Variants in PCDH15 observed in about 807,000 individuals in gnomAD.
PCDH15 encodes protocadherin-15.
Under a neutral mutation model 178.5 loss-of-function variants are expected in PCDH15, and 129 were observed. The ratio of observed to expected loss-of-function variants is 0.72; its 90% confidence interval spans 0.63 to 0.84. The LOEUF (loss-of-function observed/expected upper bound fraction) is 0.84, where lower values mean the gene tolerates loss of function less well. Among genes scored for constraint, PCDH15 ranks in the 40% least tolerant of loss-of-function variants. The pLI is 0.00. For synonymous variants in PCDH15, 800 were observed against 732.0 expected, an observed-to-expected ratio of 1.09 and a Z score of -1.50; for missense variants, 2,230 against 2,099.9, an observed-to-expected ratio of 1.06 and a Z score of -1.21.
intron 2 of PCDH15, among the ~76,000 whole-genome samples, chr10:54,532,752 T>C (rs1310757623): frequency 2.0e-5 from 3 of 148,238 alleles, no homozygotes; most frequent in African/African-American, 7.5e-5. Flanking sequence ...TGTCATTTCA[T>C]TATAACAATG....
chr10:54,130,795 G>C (rs1404911008), intron 15 of PCDH15, among the ~76,000 whole-genome samples: 1 of 152,174 alleles, frequency 6.6e-6, no homozygotes, highest in Non-Finnish European at 1.5e-5. Context: ...AGTGTGAAAA[G>C]GATGAGGATG....
chr10:55,328,105 T>C (rs1220540618), intron 2 of PCDH15, among the ~76,000 whole-genome samples: 1 of 152,008 alleles, frequency 6.6e-6, no homozygotes, highest in Non-Finnish European at 1.5e-5. Context: ...TGAACAGATA[T>C]AACCATCTTT....
intron 17 of PCDH15, among the ~76,000 whole-genome samples, chr10:54,076,485 C>G: frequency 6.6e-6 from 1 of 151,738 alleles, no homozygotes; most frequent in East Asian, 1.9e-4. Context: ...TCTTTTCTTT[C>G]TTTTTTTGCC....
intron 1 of PCDH15, among the ~76,000 whole-genome samples, chr10:54,756,742 G>A (rs556570759): frequency 6.8e-6 from 1 of 146,076 alleles, no homozygotes; most frequent in African/African-American, 2.5e-5. Flanking sequence ...GAGAGAGAGA[G>A]AAACTATGGA....
chr10:54,103,048 G>A (rs1394523437), intron 15 of PCDH15, among the ~76,000 whole-genome samples: 13 of 152,174 alleles, frequency 8.5e-5, no homozygotes, highest in African/African-American at 2.7e-4. Flanking sequence ...GCATAAATTG[G>A]TGGGTAGTGT....
chr10:55,584,022 G>A (rs1564466498), intron 2 of PCDH15, among the ~76,000 whole-genome samples: 1 of 151,790 alleles, frequency 6.6e-6, no homozygotes, highest in Admixed American at 6.6e-5. Context: ...GGACTACAGG[G>A]TCATGCCACT....
chr10:55,492,518 T>C (rs1045302049), intron 2 of PCDH15, among the ~76,000 whole-genome samples: 5 of 151,720 alleles, frequency 3.3e-5, no homozygotes, highest in African/African-American at 7.3e-5. Context: ...CTTTATGGAA[T>C]TAGTACCACC....
intron 2 of PCDH15, among the ~76,000 whole-genome samples, chr10:54,572,373 C>T (rs1397249991): frequency 1.3e-5 from 2 of 152,048 alleles, no homozygotes; most frequent in Non-Finnish European, 2.9e-5. Context: ...AAAGAGCTGA[C>T]TCCACCTTGA....
chr10:54,431,209 A>G (rs531018205), intron 3 of PCDH15, among the ~76,000 whole-genome samples: 1 of 152,280 alleles, frequency 6.6e-6, no homozygotes, highest in East Asian at 1.9e-4. Flanking sequence ...TTCTACTCAA[A>G]CTATTCTGAA....
intron 26 of PCDH15, among the ~76,000 whole-genome samples, chr10:53,888,116 C>A (rs903451519): frequency 6.6e-6 from 1 of 150,936 alleles, no homozygotes; most frequent in South Asian, 2.1e-4. Context: ...TTTTCTCCAG[C>A]CCCTAACCCA....
chr10:54,567,373 C>T (rs1305954276), intron 2 of PCDH15, among the ~76,000 whole-genome samples: 1 of 152,080 alleles, frequency 6.6e-6, no homozygotes, highest in African/African-American at 2.4e-5. Flanking sequence ...ATGAATCCTA[C>T]TTTTGATGTT....
intron 18 of PCDH15, among the ~76,000 whole-genome samples, chr10:54,066,530 C>T (rs2094139854): frequency 6.6e-6 from 1 of 152,074 alleles, no homozygotes; most frequent in South Asian, 2.1e-4. Context: ...AGCATACTAT[C>T]ACATTAATCA....
chr10:54,164,029 A>C (rs933295046), intron 13 of PCDH15, among the ~76,000 whole-genome samples: 1 of 152,168 alleles, frequency 6.6e-6, no homozygotes, highest in East Asian at 1.9e-4. Flanking sequence ...AAGTTTGGAC[A>C]GACTAAGAAT....
chr10:55,204,406 T>C (rs1057279857), intron 1 of PCDH15, among the ~76,000 whole-genome samples: 15 of 151,728 alleles, frequency 9.9e-5, no homozygotes, highest in African/African-American at 3.4e-4. Context: ...ACATTAAATA[T>C]AAAACTCTTC....
chr10:54,534,180 C>A (rs2084236328), intron 2 of PCDH15, among the ~76,000 whole-genome samples: 1 of 151,974 alleles, frequency 6.6e-6, no homozygotes, highest in African/African-American at 2.4e-5. Flanking sequence ...AATGTTTTTT[C>A]TATTTTTTTC....
chr10:55,403,773 C>T (rs1305606644), intron 2 of PCDH15, among the ~76,000 whole-genome samples: 1 of 151,886 alleles, frequency 6.6e-6, no homozygotes, highest in Non-Finnish European at 1.5e-5. Flanking sequence ...CATTTCTGTT[C>T]TTTTTGCTCA....
chr10:54,048,725 G>A (rs373560009), intron 18 of PCDH15, among the ~76,000 whole-genome samples: 23 of 152,068 alleles, frequency 1.5e-4, no homozygotes, highest in African/African-American at 3.6e-4. Context: ...ATTCTGTTCC[G>A]TTAACCTATG....
intron 25 of PCDH15, among the ~76,000 whole-genome samples, chr10:53,920,560 AGTTAAT>A (rs1336427096): frequency 2.4e-4 from 37 of 152,198 alleles, no homozygotes; most frequent in African/African-American, 6.7e-4. Context: ...AATTTAAAAT[AGTTAAT>A]GTTAATGTTA....
At chr10:54,124,053 T>C (rs1247930349) in intron 15 of PCDH15, among the ~76,000 whole-genome samples, 1 of 152,052 alleles carries the variant, frequency 6.6e-6, no homozygotes. Flanking sequence ...AACTGTTGGG[T>C]GCTGTGCTAA....
Sources: gnomAD v4.1 joint callset for allele counts (sites outside exome capture counted in the v4.1 genomes callset) on GRCh38, gnomAD v4.1.1 for gene constraint, MANE v1.5 for transcripts, NCBI Gene and HGNC (gene_info 2026-07-23, HGNC 2026-07-21) for gene names.